Variants in DNAH14 observed in about 807,000 individuals in gnomAD.
DNAH14 encodes dynein axonemal heavy chain 14, also known as axonemal beta dynein heavy chain 14.
Under a neutral mutation model 520.9 loss-of-function variants are expected in DNAH14, and 478 were observed. The observed-to-expected ratio is 0.92, with a 90% CI of 0.85 to 0.99. The LOEUF (loss-of-function observed/expected upper bound fraction) is 0.99, where lower values mean the gene tolerates loss of function less well. DNAH14 is among the 50% of genes least tolerant of loss of function. DNAH14 has a pLI of 0.00. For missense variants in DNAH14, 4,831 were observed against 5,234.5 expected (o/e 0.92, Z 2.38); for synonymous variants, 1,581 against 1,757.2 (o/e 0.90, Z 2.51).
intron 57 of DNAH14, among the ~76,000 whole-genome samples, chr1:225,303,673 C>G (rs575104855): frequency 6.6e-6 from 1 of 152,234 alleles, no homozygotes; most frequent in African/African-American, 2.4e-5. Flanking sequence ...GATGCTGCAA[C>G]CTTCTGTGTA....
intron 84 of DNAH14, among the ~76,000 whole-genome samples, chr1:225,393,269 A>G (rs917706242): frequency 6.6e-6 from 1 of 152,200 alleles, no homozygotes; most frequent in Non-Finnish European, 1.5e-5. Context: ...AAATAAGTAC[A>G]ATCATGTACC....
At chr1:225,036,816 G>A (rs2067008074) in intron 11 of DNAH14, among the ~76,000 whole-genome samples, 1 of 152,116 alleles carries the variant, frequency 6.6e-6, no homozygotes. Context: ...GGCTAGAAAG[G>A]GAGCTGGAAC....
chr1:225,274,882 A>C lies in DNAH14; in HGVS notation c.8011-1032A>C, dbSNP rs544853904. Among the ~76,000 whole-genome samples the C allele has an allele frequency of 2.6e-5, 4 of 152,342 alleles. No individual in the cohort carries two copies. The South Asian group carries it at 8.3e-4, about 32-fold the overall frequency. ...TATCACTTAATCGGTCAGTTGATTGACTTAAAAAAAATAAAACTCTAATAG... is the reference window on the plus strand; with the variant it reads ...TATCACTTAATCGGTCAGTTGATTGCCTTAAAAAAAATAAAACTCTAATAG... On this transcript the variant is annotated intron_variant, in intron 52 of 85. Transcript: ENST00000682510.
intron 76 of DNAH14, 27 bp from the exon 77 acceptor site, chr1:225,367,769 TCCTCACATG>T (rs775543684): frequency 6.2e-6 from 9 of 1,459,058 alleles, no homozygotes; most frequent in Non-Finnish European, 8.5e-6. Context: ...CCTGCATCTG[TCCTCACATG>T]CCATTTTACT....
chr1:225,235,949 AGTCT>A (rs2091548091), intron 42 of DNAH14, among the ~76,000 whole-genome samples: 1 of 151,980 alleles, frequency 6.6e-6, no homozygotes, highest in Non-Finnish European at 1.5e-5. Flanking sequence ...TAGTCTAAGC[AGTCT>A]ATCTATTTTA....
At chr1:225,100,952 A>T in intron 23 of DNAH14, 68 bp downstream of exon 23, 1 of 1,276,222 alleles carries the variant, frequency 7.8e-7, no homozygotes, top group African/African-American at 1.6e-5. Context: ...ATATAATGTA[A>T]TCTACTGCAG....
In DNAH14 at chr1:224,938,862, A is replaced by T. The variant is rs2125379028; in HGVS notation, c.-34+9027A>T. Among the ~76,000 whole-genome samples, 4 of 152,350 alleles carry T rather than the reference A, an allele frequency of 2.6e-5. No homozygotes were observed. In the East Asian group the frequency reaches 7.7e-4, roughly 29 times the overall value. On this transcript the variant is annotated intron_variant, in intron 1 of 85. Transcript: ENST00000682510. The stretch of plus-strand genomic sequence containing the variant: ...ATGGAATACTATTCAGCTGTAAAAA[A>T]GAACCCTGTCGTTTACGGCAATGTG...
chr1:225,300,368 G>A (rs1251119998), intron 55 of DNAH14, among the ~76,000 whole-genome samples: 1 of 152,092 alleles, frequency 6.6e-6, no homozygotes, highest in Non-Finnish European at 1.5e-5. Flanking sequence ...ATGAATGAAT[G>A]GATGAATGAA....
At chr1:224,955,182 T>A in intron 3 of DNAH14, 84 bp downstream of exon 3, 1 of 1,405,590 alleles carries the variant, frequency 7.1e-7, no homozygotes, top group Non-Finnish European at 9.8e-7. Flanking sequence ...AGCATTAAAT[T>A]AAGGAAACAA....
intron 7 of DNAH14, among the ~76,000 whole-genome samples, chr1:224,972,464 T>C (rs2501143): frequency 0.15 from 22,162 of 148,242 alleles, 3,026 homozygotes; most frequent in African/African-American, 0.36. Context: ...CCACCGCACC[T>C]GGCTAATTTT....
chr1:225,339,638 A>G (rs1249155939), intron 68 of DNAH14, among the ~76,000 whole-genome samples: 1 of 152,214 alleles, frequency 6.6e-6, no homozygotes, highest in African/African-American at 2.4e-5. Context: ...CATGGTCCCC[A>G]TGTTAGGAAT....
chr1:225,144,933 AAGAG>A lies in DNAH14; in HGVS notation c.4740+317_4740+320del, dbSNP rs71574518. Among the ~76,000 whole-genome samples the A allele has an allele frequency of 6.6e-3, 1,003 of 150,996 alleles. 6 individuals carry two copies. Among genetic ancestry groups the A allele is most frequent in the Non-Finnish European group, 0.01 (684 of 67,618 alleles). On this transcript the variant is annotated intron_variant, in intron 29 of 85. Coordinates refer to ENST00000682510, the MANE Select transcript of DNAH14 (RefSeq NM_001367479.1). Reference sequence around the variant, plus strand: ...TGTTTGTGTGTGTATGTGTGTGTGAAAGAGAGAGAGAGAGAAAGTGAGACCGAAA... The same window carrying A: ...TGTTTGTGTGTGTATGTGTGTGTGAAAGAGAGAGAGAAAGTGAGACCGAAA...
At chr1:225,025,292 A>ACT (rs2066014489) in intron 11 of DNAH14, among the ~76,000 whole-genome samples, 1 of 150,116 alleles carries the variant, frequency 6.7e-6, no homozygotes, top group Non-Finnish European at 1.5e-5. Context: ...TGATCATGCC[A>ACT]CTCCACTCCA....
At chr1:225,137,501 A>G (rs765780570) in intron 27 of DNAH14, among the ~76,000 whole-genome samples, 1 of 152,114 alleles carries the variant, frequency 6.6e-6, no homozygotes, top group Non-Finnish European at 1.5e-5. Context: ...GATTACGGGC[A>G]TGCACCACTA....
intron 9 of DNAH14, among the ~76,000 whole-genome samples, chr1:225,006,817 TCC>T (rs1243731661): frequency 6.6e-6 from 1 of 152,118 alleles, no homozygotes; most frequent in Admixed American, 6.6e-5. Context: ...TGTGACCCAC[TCC>T]CTATTCGTAC....
At chr1:225,199,355 G>T (rs935326954) in intron 38 of DNAH14, among the ~76,000 whole-genome samples, 1 of 151,418 alleles carries the variant, frequency 6.6e-6, no homozygotes, top group Non-Finnish European at 1.5e-5. Context: ...CTCTGATCTC[G>T]GTTATTTTCT....
rs1318256361 is a variant in DNAH14 at position 225,207,048 on chromosome 1, G to A, written c.6267G>A (p.Val2089=). The A allele has an allele frequency of 1.4e-5, 21 of 1,549,932 alleles. No individual in the cohort carries two copies. Among genetic ancestry groups the A allele is most frequent in the Non-Finnish European group, 1.8e-5 (21 of 1,146,330 alleles). Residue 2089 remains valine (V), a synonymous_variant, in exon 41 of 86, where the codon GTG becomes GTA. Transcript: ENST00000682510. Reference sequence around the variant, plus strand: ...CTAAAATTATAAGTCAATCAGGAGTGGATTGTCTTGAATTCATGATTAAAA... The same window carrying A: ...CTAAAATTATAAGTCAATCAGGAGTAGATTGTCTTGAATTCATGATTAAAA... ...KTSKIISQSG[V]DCLEFMIKNS...
At chr1:225,050,454 T>A (rs2068428954) in intron 16 of DNAH14, 78 bp downstream of exon 16, 1 of 1,414,140 alleles carries the variant, frequency 7.1e-7, no homozygotes, top group African/African-American at 1.5e-5. Context: ...AATGAATTTA[T>A]TGAAAAATTA....
intron 38 of DNAH14, among the ~76,000 whole-genome samples, chr1:225,203,069 G>T (rs1281427916): frequency 6.6e-6 from 1 of 152,146 alleles, no homozygotes; most frequent in South Asian, 2.1e-4. Context: ...CCCCAGTCCT[G>T]CAGGAGCAAT....
Sources: allele counts gnomAD v4.1 joint callset (sites outside exome capture counted in the v4.1 genomes callset), GRCh38; gene constraint gnomAD v4.1.1; transcripts MANE v1.5; gene names NCBI Gene and HGNC (gene_info 2026-07-23, HGNC 2026-07-21).